The following CAMK4 variants were observed in gnomAD, a reference collection of about 807,000 sequenced individuals.
CAMK4 encodes calcium/calmodulin dependent protein kinase IV, also known as calcium/calmodulin-dependent protein kinase type IV.
CAMK4 carries 22 observed loss-of-function variants against 44.9 expected under a neutral mutation model. The observed-to-expected ratio is 0.49, with a 90% CI of 0.35 to 0.70. The LOEUF (loss-of-function observed/expected upper bound fraction) is 0.70, where lower values mean the gene tolerates loss of function less well. Among genes scored for constraint, CAMK4 ranks in the 30% least tolerant of loss-of-function variants. The pLI is 0.01. For missense variants in CAMK4, 498 were observed against 586.8 expected, an observed-to-expected ratio of 0.85 and a Z score of 1.56; for synonymous variants, 218 against 215.4, an observed-to-expected ratio of 1.01 and a Z score of -0.11.
intron 2 of CAMK4, among the ~76,000 whole-genome samples, chr5:111,358,594 G>A (rs886560003): frequency 6.6e-6 from 1 of 151,498 alleles, no homozygotes; most frequent in Non-Finnish European, 1.5e-5. Context: ...TAGGTTCAGG[G>A]GATACATATG....
At chr5:111,229,983 T>C (rs933525499) in intron 1 of CAMK4, among the ~76,000 whole-genome samples, 1 of 152,164 alleles carries the variant, frequency 6.6e-6, no homozygotes, top group Non-Finnish European at 1.5e-5. Flanking sequence ...TAACAGGTAC[T>C]CAACAAATGA....
chr5:111,317,596 A>G (rs369796894), intron 1 of CAMK4, among the ~76,000 whole-genome samples: 8 of 152,164 alleles, frequency 5.3e-5, no homozygotes, highest in African/African-American at 1.9e-4. Flanking sequence ...CATGATCCTT[A>G]TAATGAGTCC....
intron 4 of CAMK4, among the ~76,000 whole-genome samples, chr5:111,393,158 C>T (rs1751870967): frequency 6.6e-6 from 1 of 152,172 alleles, no homozygotes; most frequent in Non-Finnish European, 1.5e-5. Flanking sequence ...ATTTTACCAA[C>T]TTGAAACTGC....
chr5:111,361,918 A>G (rs955798771), intron 2 of CAMK4, among the ~76,000 whole-genome samples: 1 of 152,056 alleles, frequency 6.6e-6, no homozygotes, highest in Non-Finnish European at 1.5e-5. Flanking sequence ...TTTAGTAGAT[A>G]CTTTCTCTGA....
chr5:111,228,009 C>T (rs971800512), intron 1 of CAMK4, among the ~76,000 whole-genome samples: 2 of 152,132 alleles, frequency 1.3e-5, no homozygotes, highest in Non-Finnish European at 2.9e-5. Context: ...GTCCAGATCC[C>T]GCCCAGTGGT....
chr5:111,339,189 T>A (rs1295765730), intron 1 of CAMK4, among the ~76,000 whole-genome samples: 2 of 151,514 alleles, frequency 1.3e-5, no homozygotes, highest in Non-Finnish European at 3.0e-5. Flanking sequence ...TCTGTTTTAT[T>A]CTGCTGATTG....
intron 5 of CAMK4, among the ~76,000 whole-genome samples, chr5:111,445,856 C>T (rs1754007757): frequency 6.7e-6 from 1 of 149,948 alleles, no homozygotes. Flanking sequence ...TATATAGACT[C>T]GTTTGTAAAT....
chr5:111,326,024 T>C (rs563459023), intron 1 of CAMK4, among the ~76,000 whole-genome samples: 34 of 152,192 alleles, frequency 2.2e-4, no homozygotes, highest in South Asian at 1.5e-3. Flanking sequence ...ATTAATGACC[T>C]ACATTTCTAC....
rs759974926 is a variant in CAMK4 at position 111,486,570 on chromosome 5, G to A, written c.*2104G>A. The A allele has an allele frequency of 1.3e-5, 2 of 150,414 alleles. No individual in the cohort carries two copies. Among genetic ancestry groups the A allele is most frequent in the African/African-American group, 2.5e-5 (1 of 40,794 alleles). The allele number at this position is 150,414 out of a possible 1,614,324, so 9.3% of individuals were successfully genotyped here. A position where few individuals can be genotyped will look rare whatever the true frequency, so the allele number is the denominator to read the frequency against. On this transcript the variant is annotated 3_prime_UTR_variant, in exon 11 of 11. Coordinates refer to ENST00000282356, the MANE Select transcript of CAMK4 (RefSeq NM_001744.6). ...GTTGGAAGAGCAAAGAGAGGGAAGG[G>A]GGTCTTTTTAGAAAGTGGCACTTGG...
rs368016953 is a variant in CAMK4, at chr5:111,326,917, C to T, written c.162-17107C>T. 6.6e-5 allele frequency among the ~76,000 whole-genome samples: 10 copies of T among 151,696 alleles called. No homozygotes were observed. The South Asian group carries it at 1.5e-3, about 22-fold the overall frequency. ...GTCATGAAACAGGGTGATGACTAATCGAATTCTCTGCACATTGTTATTATA... is the reference window on the plus strand; with the variant it reads ...GTCATGAAACAGGGTGATGACTAATTGAATTCTCTGCACATTGTTATTATA... On this transcript the variant is annotated intron_variant, in intron 1 of 10. Transcript: ENST00000282356.
At chr5:111,340,492 C>A (rs1468629481) in intron 1 of CAMK4, among the ~76,000 whole-genome samples, 3 of 151,052 alleles carry the variant, frequency 2.0e-5, no homozygotes. Context: ...ATTTGTCTTT[C>A]ATTTTGTTAG....
chr5:111,283,523 C>T (rs1751108947), intron 1 of CAMK4, among the ~76,000 whole-genome samples: 1 of 152,204 alleles, frequency 6.6e-6, no homozygotes, highest in Non-Finnish European at 1.5e-5. Flanking sequence ...TAATGTCTTC[C>T]AAGCTGCTGA....
At position 111,249,684 on chromosome 5, in the gene CAMK4, G is replaced by A. The variant is rs1245498461; in HGVS notation, c.161+25040G>A. 2.6e-3 allele frequency among the ~76,000 whole-genome samples: 385 copies of A among 150,338 alleles called. 7 individuals carry two copies. The highest frequency in any genetic ancestry group is 0.023 in the Admixed American group (347 of 15,000). On this transcript the variant is annotated intron_variant, in intron 1 of 10. Transcript: ENST00000282356. ...TATATATATGTGTGTGTGTGTGTGT[G>A]TGTGTGTGTGTGTGTGTGTGTATTT...
chr5:111,263,792 A>AGCAGTGTG (rs1235578401), intron 1 of CAMK4, among the ~76,000 whole-genome samples: 1 of 152,222 alleles, frequency 6.6e-6, no homozygotes, highest in Non-Finnish European at 1.5e-5. Context: ...AAAGGGCGGA[A>AGCAGTGTG]GCAGTGTGGA....
intron 4 of CAMK4, among the ~76,000 whole-genome samples, chr5:111,392,765 A>G (rs1751849209): frequency 6.6e-6 from 1 of 152,180 alleles, no homozygotes; most frequent in African/African-American, 2.4e-5. Context: ...TTAGAAAAAT[A>G]CTACCTGCCA....
chr5:111,490,508 G>A lies in CAMK4; in HGVS notation c.*6042G>A, dbSNP rs2112517666. On this transcript the variant is annotated 3_prime_UTR_variant, in exon 11 of 11. Transcript: ENST00000282356. Reference sequence around the variant, plus strand: ...AGCTACTCAGGAGGCTGAGGCAGGAGAATCTCTTGAACCCGGGAGGCAGAG... The same window carrying A: ...AGCTACTCAGGAGGCTGAGGCAGGAAAATCTCTTGAACCCGGGAGGCAGAG... The A allele has an allele frequency of 6.6e-6, 1 of 152,330 alleles. No homozygotes were observed. Among genetic ancestry groups the A allele is most frequent in the East Asian group, 1.9e-4 (1 of 5,184 alleles). 9.4% of individuals were successfully genotyped at this position (152,330 alleles called of 1,614,324 possible).
chr5:111,224,891 C>A lies in CAMK4; in HGVS notation c.161+247C>A, dbSNP rs1293361045. 6.6e-6 allele frequency among the ~76,000 whole-genome samples: 1 copy of A among 152,000 alleles called. No homozygotes were observed. Among genetic ancestry groups the A allele is most frequent in the Non-Finnish European group, 1.5e-5 (1 of 67,950 alleles). ...TCCCTCCCACCTTCCCTCCTTCTCG[C>A]AGGCTGCCACTTCCCTTGGGTGACA... On this transcript the variant is annotated intron_variant, in intron 1 of 10. Transcript: ENST00000282356. The surrounding 1 kb of genome is among the most constrained non-coding windows in gnomAD (Gnocchi z 5.7).
intron 4 of CAMK4, among the ~76,000 whole-genome samples, chr5:111,393,123 G>A (rs1319671463): frequency 6.6e-6 from 1 of 152,062 alleles, no homozygotes; most frequent in East Asian, 1.9e-4. Flanking sequence ...AAAATTTTTA[G>A]CTAACAAAGA....
At chr5:111,227,233 A>G (rs914422603) in intron 1 of CAMK4, among the ~76,000 whole-genome samples, 3 of 152,206 alleles carry the variant, frequency 2.0e-5, no homozygotes, top group African/African-American at 7.2e-5. Context: ...ATGCAACAGA[A>G]TGATGATCGT....
Sources: allele counts gnomAD v4.1 joint callset (sites outside exome capture counted in the v4.1 genomes callset), GRCh38; gene constraint gnomAD v4.1.1; non-coding constraint Gnocchi (gnomAD v3.1); transcripts MANE v1.5; gene names NCBI Gene and HGNC (gene_info 2026-07-23, HGNC 2026-07-21).